The following COL22A1 variants were observed in gnomAD, a reference collection of about 807,000 sequenced individuals.
COL22A1 encodes collagen type XXII alpha 1 chain.
In COL22A1, 221 loss-of-function variants were observed where a neutral mutation model predicts 248.9. The observed-to-expected ratio is 0.89, with a 90% confidence interval of 0.80 to 0.99. COL22A1 has a LOEUF of 0.99. Among genes scored for constraint, COL22A1 ranks in the 50% least tolerant of loss-of-function variants. The pLI, the probability that COL22A1 is intolerant of heterozygous loss-of-function variation, is 0.00. For missense variants in COL22A1, 2,240 were observed against 2,179.0 expected (o/e 1.03, Z -0.56); for synonymous variants, 891 against 793.4 (o/e 1.12, Z -2.07).
intron 22 of COL22A1, among the ~76,000 whole-genome samples, chr8:138,747,423 T>TTATAATGAC (rs1259020865): frequency 6.6e-6 from 1 of 152,188 alleles, no homozygotes; most frequent in Non-Finnish European, 1.5e-5. Flanking sequence ...GCCAAAGTCC[T>TTATAATGAC]TATAATGACC....
intron 7 of COL22A1, among the ~76,000 whole-genome samples, chr8:138,814,266 G>C (rs1818492579): frequency 6.6e-6 from 1 of 152,234 alleles, no homozygotes; most frequent in African/African-American, 2.4e-5. Flanking sequence ...CAATCTCCCA[G>C]TCACCACCCA....
intron 4 of COL22A1, among the ~76,000 whole-genome samples, chr8:138,836,061 A>T (rs1208636708): frequency 6.6e-6 from 1 of 152,306 alleles, no homozygotes; most frequent in Non-Finnish European, 1.5e-5. Context: ...ACTTGAGGTC[A>T]GGAGGTCAAG....
At chr8:138,882,723 C>A (rs1193602348) in intron 2 of COL22A1, among the ~76,000 whole-genome samples, 2 of 151,552 alleles carry the variant, frequency 1.3e-5, no homozygotes, top group African/African-American at 4.9e-5. Flanking sequence ...CCCTCACACT[C>A]CCCCACTCTT....
At chr8:138,913,332 C>T (rs899318502) in intron 1 of COL22A1, among the ~76,000 whole-genome samples, 4 of 152,140 alleles carry the variant, frequency 2.6e-5, no homozygotes, top group Non-Finnish European at 4.4e-5. Context: ...TCGCTGAGCT[C>T]CTCGCTGCTC....
intron 60 of COL22A1, among the ~76,000 whole-genome samples, chr8:138,599,970 A>G (rs982549484): frequency 2.6e-5 from 4 of 152,196 alleles, no homozygotes; most frequent in Non-Finnish European, 5.9e-5. Flanking sequence ...CTAGAGAGAC[A>G]GTGGTCCTCT....
intron 17 of COL22A1, among the ~76,000 whole-genome samples, chr8:138,762,135 T>C (rs1181175931): frequency 6.6e-6 from 1 of 152,188 alleles, no homozygotes; most frequent in African/African-American, 2.4e-5. Flanking sequence ...ACACATCACC[T>C]TGAAAACGTG....
chr8:138,848,881 G>A (rs966850607), intron 3 of COL22A1, among the ~76,000 whole-genome samples: 2 of 152,158 alleles, frequency 1.3e-5, no homozygotes, highest in Non-Finnish European at 2.9e-5. Flanking sequence ...TAGAAACAAG[G>A]GAAGGATGCC....
At chr8:138,617,051 T>C in intron 53 of COL22A1, 93 bp from the exon 54 acceptor site, 1 of 1,323,622 alleles carries the variant, frequency 7.6e-7, no homozygotes, top group Non-Finnish European at 1.1e-6. Context: ...TGACCCACGT[T>C]GCCCCCGCTC....
chr8:138,860,518 A>C (rs1223922198), intron 3 of COL22A1, among the ~76,000 whole-genome samples: 1 of 152,218 alleles, frequency 6.6e-6, no homozygotes, highest in Admixed American at 6.5e-5. Context: ...CAATGAGTTC[A>C]AGACAACAAC....
In COL22A1 at chr8:138,649,917, C is replaced by T. The variant is rs73445442; in HGVS notation, c.3334-139G>A. 513 of 571,534 alleles carry T rather than the reference C, an allele frequency of 9.0e-4. 3 individuals carry two copies. The African/African-American group carries it at 9.0e-3, about 10-fold the overall frequency. The allele number at this position is 571,534 out of a possible 1,614,324, so 35.4% of individuals were successfully genotyped here. ...ATTCCAGAGAAGATAGAAAAGCAAA[C>T]AGGTGGACTGAGTCATGATCTAAAT... On this transcript the variant is annotated intron_variant, in intron 45 of 64. Transcript: ENST00000303045.
At position 138,630,760 on chromosome 8, in the gene COL22A1, A is replaced by C. The variant is rs149835695; in HGVS notation, c.3610-12T>G. The C allele has an allele frequency of 6.2e-6, 10 of 1,613,470 alleles. No homozygotes were observed. In the East Asian group the frequency reaches 2.2e-4, roughly 36 times the overall value. On this transcript the variant is annotated splice_polypyrimidine_tract_variant and intron_variant, in intron 49 of 64. Coordinates refer to ENST00000303045, the MANE Select transcript of COL22A1 (RefSeq NM_152888.3). ...ATTCCATCTGCCCCCTAAAAAAGAC[A>C]AGGCAGAAAGCTAGTTTCTTGTGCA...
chr8:138,764,139 G>C (rs1398753218), intron 16 of COL22A1, among the ~76,000 whole-genome samples: 1 of 152,166 alleles, frequency 6.6e-6, no homozygotes, highest in Non-Finnish European at 1.5e-5. Flanking sequence ...GGGGTTGCAG[G>C]TTCTTGGTTT....
At chr8:138,852,583 T>G (rs1176305849) in intron 3 of COL22A1, among the ~76,000 whole-genome samples, 1 of 152,202 alleles carries the variant, frequency 6.6e-6, no homozygotes, top group Non-Finnish European at 1.5e-5. Flanking sequence ...TGGAAGTTGC[T>G]GGAGCAGGGA....
At position 138,877,879 on chromosome 8, in the gene COL22A1, C is replaced by A; in HGVS notation, c.529G>T (p.Val177Leu). The A allele has an allele frequency of 6.2e-7, 1 of 1,612,840 alleles. No homozygotes were observed. Among genetic ancestry groups the A allele is most frequent in the African/African-American group, 1.3e-5 (1 of 75,034 alleles). Residue 177 changes from valine to leucine, a missense_variant, in exon 3 of 65, where the codon GTG becomes TTG. Transcript: ENST00000303045. ...RAGIRIFAVGVGEALKEELEE... is the reference protein window; with the variant it reads ...RAGIRIFAVGLGEALKEELEE... ...AGCTCCTCCTTGAGTGCCTCGCCCA[C>A]GCCCACGGCAAAGATGCGGATGCCA...
At position 138,720,727 on chromosome 8, in the gene COL22A1, C is replaced by T; in HGVS notation, c.2355+12G>A. 1.2e-6 allele frequency: 2 copies of T among 1,611,418 alleles called. No individual in the cohort carries two copies. Among genetic ancestry groups the T allele is most frequent in the Non-Finnish European group, 1.7e-6 (2 of 1,177,604 alleles). On this transcript the variant is annotated intron_variant, in intron 27 of 64. Coordinates refer to ENST00000303045, the MANE Select transcript of COL22A1 (RefSeq NM_152888.3). ...TAGCAAGCATAATGGGAAAAAGAGGCAAAGTCCATACCCGAAGGCCTGGTT... is the reference window on the plus strand; with the variant it reads ...TAGCAAGCATAATGGGAAAAAGAGGTAAAGTCCATACCCGAAGGCCTGGTT...
chr8:138,776,999 G>A (rs1196381100), intron 15 of COL22A1, among the ~76,000 whole-genome samples: 1 of 152,106 alleles, frequency 6.6e-6, no homozygotes, highest in Non-Finnish European at 1.5e-5. Context: ...CCACCCACAC[G>A]AGCTGAAAAA....
intron 49 of COL22A1, among the ~76,000 whole-genome samples, chr8:138,633,750 A>G (rs1820920285): frequency 6.6e-6 from 1 of 152,226 alleles, no homozygotes; most frequent in South Asian, 2.1e-4. Flanking sequence ...TACAAAATCC[A>G]ATAATATTCA....
chr8:138,775,377 C>T (rs1814336400), intron 16 of COL22A1, among the ~76,000 whole-genome samples: 1 of 152,206 alleles, frequency 6.6e-6, no homozygotes, highest in Non-Finnish European at 1.5e-5. Context: ...AATCGGAGAA[C>T]CCTTCCACTG....
Position 138,623,770 on chromosome 8 carries a change from C to T in COL22A1, c.3733G>A (p.Glu1245Lys), listed in dbSNP as rs533480261. 1.7e-5 allele frequency: 28 copies of T among 1,612,746 alleles called. No individual in the cohort carries two copies. In the Middle Eastern group the frequency reaches 9.9e-4, roughly 57 times the overall value. Residue 1245 changes from glutamate to lysine, a missense_variant, in exon 52 of 65, where the codon GAG (glutamate) becomes AAG (lysine). Physicochemically the swap from Glu to Lys is moderately conservative, Grantham distance 56 (BLOSUM62 1). Coordinates refer to ENST00000303045, the MANE Select transcript of COL22A1 (RefSeq NM_152888.3). Reference sequence around the variant, plus strand: ...GGACCCGGCTTTCCATCTCTGCCCTCTTTGCCTTCTTCTCCCTGCAAGAGA... The same window carrying T: ...GGACCCGGCTTTCCATCTCTGCCCTTTTTGCCTTCTTCTCCCTGCAAGAGA... ...LPGIPGEEGK[E>K]GRDGKPGPPG... is the part of the protein sequence containing the mutation.
Sources: gnomAD v4.1 joint callset for allele counts (sites outside exome capture counted in the v4.1 genomes callset) on GRCh38, gnomAD v4.1.1 for gene constraint, MANE v1.5 for transcripts, NCBI Gene and HGNC (gene_info 2026-07-23, HGNC 2026-07-21) for gene names.